TENM2: variants seen among roughly 807,000 people sequenced by gnomAD.
TENM2 encodes teneurin transmembrane protein 2.
In TENM2, 52 loss-of-function variants were observed where a neutral mutation model predicts 245.2. The observed-to-expected ratio is 0.21, with a 90% CI of 0.17 to 0.27. TENM2 has a LOEUF of 0.27. Among genes scored for constraint, TENM2 ranks in the 10% least tolerant of loss-of-function variants. The pLI, the probability that TENM2 is intolerant of heterozygous loss-of-function variation, is 1.00. For synonymous variants in TENM2, 1,363 were observed against 1,438.9 expected (o/e 0.95, Z 1.19); for missense variants, 3,046 against 3,666.8 (o/e 0.83, Z 4.37).
At chr5:167,149,142 A>G in the TENM2 span, among the ~76,000 whole-genome samples, 23,333 of 152,034 alleles carry the variant, frequency 0.15, 1,987 homozygotes, top group East Asian at 0.36. Context: ...AACATTAGGT[A>G]TATATCCTAA....
At chr5:167,489,881 G>A (rs967506118) in intron 2 of TENM2, among the ~76,000 whole-genome samples, 15 of 151,642 alleles carry the variant, frequency 9.9e-5, no homozygotes, top group Admixed American at 9.9e-4. Context: ...GATTGTTTCT[G>A]GTACAATAAT....
rs144843695 is a variant in TENM2, at chr5:167,600,465, T to C, written c.502+224992T>C. Among the ~76,000 whole-genome samples, 789 of 152,276 alleles carry C rather than the reference T, an allele frequency of 5.2e-3. 6 individuals carry two copies. Among genetic ancestry groups the C allele is most frequent in the African/African-American group, 0.018 (749 of 41,548 alleles). On this transcript the variant is annotated intron_variant, in intron 2 of 28. Coordinates refer to ENST00000518659, the Ensembl canonical transcript of TENM2. ...AGAGTTTTAACATCCCCCATTGCCT[T>C]GTAGTTTTTCTTTTCCTGAAAATAG...
At chr5:167,051,108 A>C in the TENM2 span, among the ~76,000 whole-genome samples, 2 of 152,088 alleles carry the variant, frequency 1.3e-5, no homozygotes, top group African/African-American at 4.8e-5. Context: ...AAAAATTTGC[A>C]ACCGAACCTT....
chr5:168,056,794 T>C (rs1789579718), intron 6 of TENM2, among the ~76,000 whole-genome samples: 1 of 152,162 alleles, frequency 6.6e-6, no homozygotes, highest in South Asian at 2.1e-4. Flanking sequence ...TTATACCATA[T>C]TTTTTTACTG....
the TENM2 span, among the ~76,000 whole-genome samples, chr5:167,181,239 C>A: frequency 6.6e-6 from 1 of 152,028 alleles, no homozygotes; most frequent in Non-Finnish European, 1.5e-5. Context: ...CCTGATTTTC[C>A]CTGAAATGAG....
At chr5:167,741,021 GT>G (rs1015655574) in intron 2 of TENM2, among the ~76,000 whole-genome samples, 31 of 151,694 alleles carry the variant, frequency 2.0e-4, no homozygotes, top group African/African-American at 7.0e-4. Flanking sequence ...GGCACTTACT[GT>G]TTCCTCTTTG....
chr5:167,435,106 C>T (rs1334824126), intron 2 of TENM2, among the ~76,000 whole-genome samples: 2 of 152,134 alleles, frequency 1.3e-5, no homozygotes, highest in African/African-American at 2.4e-5. Flanking sequence ...AAGCAATTCT[C>T]CAATAAGCAG....
intron 2 of TENM2, among the ~76,000 whole-genome samples, chr5:167,786,325 A>T (rs1302922311): frequency 6.6e-6 from 1 of 152,210 alleles, no homozygotes; most frequent in African/African-American, 2.4e-5. Context: ...GAAGAATAAG[A>T]CAATTCTAGC....
intron 2 of TENM2, among the ~76,000 whole-genome samples, chr5:167,537,720 A>T (rs745824042): frequency 5.1e-4 from 77 of 152,358 alleles, no homozygotes; most frequent in Non-Finnish European, 1.0e-3. Flanking sequence ...TGAGGCAAAG[A>T]TTAAAGCCAT....
chr5:167,312,700 G>GAA (rs112197382), intron 1 of TENM2, among the ~76,000 whole-genome samples: 1 of 146,882 alleles, frequency 6.8e-6, no homozygotes, highest in East Asian at 2.0e-4. Context: ...CTGAACAAAA[G>GAA]AAAAAAAAAA....
intron 2 of TENM2, among the ~76,000 whole-genome samples, chr5:167,869,361 A>C (rs1043879939): frequency 6.6e-6 from 1 of 152,212 alleles, no homozygotes; most frequent in Non-Finnish European, 1.5e-5. Context: ...AGGTTGAGGA[A>C]TAGCCCATTG....
chr5:167,458,910 T>C (rs1189373097), intron 2 of TENM2, among the ~76,000 whole-genome samples: 1 of 152,238 alleles, frequency 6.6e-6, no homozygotes, highest in Non-Finnish European at 1.5e-5. Flanking sequence ...CGTCTTCTTA[T>C]CTGCTATGAA....
intron 2 of TENM2, among the ~76,000 whole-genome samples, chr5:167,686,522 A>T (rs1404236310): frequency 6.6e-6 from 1 of 152,190 alleles, no homozygotes; most frequent in Non-Finnish European, 1.5e-5. Context: ...CGAGGGCTTT[A>T]AAAATGGAAA....
intron 7 of TENM2, among the ~76,000 whole-genome samples, chr5:168,064,481 T>C (rs1368033104): frequency 1.3e-5 from 2 of 152,066 alleles, no homozygotes; most frequent in African/African-American, 2.4e-5. Flanking sequence ...GCAAGTCAAG[T>C]TGGTAACTCT....
intron 12 of TENM2, among the ~76,000 whole-genome samples, chr5:168,142,879 T>G (rs545587759): frequency 6.6e-6 from 1 of 152,362 alleles, no homozygotes; most frequent in Non-Finnish European, 1.5e-5. Flanking sequence ...CAGTAAGTGC[T>G]GGCTGGCTTG....
At chr5:167,541,761 C>T (rs1028530559) in intron 2 of TENM2, among the ~76,000 whole-genome samples, 2 of 152,116 alleles carry the variant, frequency 1.3e-5, no homozygotes, top group Non-Finnish European at 2.9e-5. Flanking sequence ...AATTCATTTC[C>T]TCTGAAACAA....
chr5:167,687,170 T>C (rs888826782), intron 2 of TENM2, among the ~76,000 whole-genome samples: 1 of 152,160 alleles, frequency 6.6e-6, no homozygotes, highest in African/African-American at 2.4e-5. Context: ...GGCTGTACTA[T>C]AGGGCACCAA....
chr5:167,458,343 T>C (rs1488351715), intron 2 of TENM2, among the ~76,000 whole-genome samples: 2 of 144,994 alleles, frequency 1.4e-5, no homozygotes, highest in Non-Finnish European at 3.1e-5. Flanking sequence ...AAAAATTAGC[T>C]GGGTGTGGTG....
chr5:166,981,857 A>G, the TENM2 span, among the ~76,000 whole-genome samples: 1 of 152,150 alleles, frequency 6.6e-6, no homozygotes, highest in Non-Finnish European at 1.5e-5. Context: ...AATATTAAAC[A>G]TATCTACATT....
Sources: gnomAD v4.1 joint callset for allele counts (sites outside exome capture counted in the v4.1 genomes callset) on GRCh38, gnomAD v4.1.1 for gene constraint, MANE v1.5 for transcripts, NCBI Gene and HGNC (gene_info 2026-07-23, HGNC 2026-07-21) for gene names.